The following SDK1 variants were observed in gnomAD, a reference collection of about 807,000 sequenced individuals.
The protein encoded by SDK1 is sidekick cell adhesion molecule 1, also known as protein sidekick-1.
Under a neutral mutation model 245.5 loss-of-function variants are expected in SDK1, and 157 were observed. That is an observed-to-expected ratio of 0.64 (90% CI 0.56 to 0.73). The LOEUF is 0.73. Among genes scored for constraint, SDK1 ranks in the 30% least tolerant of loss-of-function variants. The probability of loss-of-function intolerance (pLI) is 0.00; values close to 1 mark genes in which losing one functional copy is unlikely to be tolerated. For missense variants in SDK1, 3,583 were observed against 3,002.3 expected (o/e 1.19, Z -4.52); for synonymous variants, 1,647 against 1,278.5 (o/e 1.29, Z -6.15).
intron 5 of SDK1, among the ~76,000 whole-genome samples, chr7:3,905,317 T>C (rs999114036): frequency 6.6e-6 from 1 of 152,172 alleles, no homozygotes; most frequent in Non-Finnish European, 1.5e-5. Flanking sequence ...GTGCATTATT[T>C]TTGTATCACT....
intron 1 of SDK1, among the ~76,000 whole-genome samples, chr7:3,448,932 C>T (rs1489195363): frequency 6.6e-6 from 1 of 152,088 alleles, no homozygotes; most frequent in Non-Finnish European, 1.5e-5. Flanking sequence ...AGGATTATTC[C>T]TGCGAACAAA....
At chr7:3,330,601 C>T (rs1319933058) in intron 1 of SDK1, among the ~76,000 whole-genome samples, 1 of 152,092 alleles carries the variant, frequency 6.6e-6, no homozygotes, top group African/African-American at 2.4e-5. Flanking sequence ...CAGGAAGGCC[C>T]TCACCAGATG....
intron 1 of SDK1, among the ~76,000 whole-genome samples, chr7:3,551,029 G>T (rs1485011910): frequency 6.6e-6 from 1 of 152,142 alleles, no homozygotes; most frequent in African/African-American, 2.4e-5. Flanking sequence ...TTTTTAGAAG[G>T]TTAGGAGAAA....
chr7:3,315,182 C>T (rs1322275596), intron 1 of SDK1, among the ~76,000 whole-genome samples: 1 of 152,114 alleles, frequency 6.6e-6, no homozygotes, highest in Non-Finnish European at 1.5e-5. Flanking sequence ...CTCTAATTGA[C>T]ATGGAAGGAT....
intron 4 of SDK1, among the ~76,000 whole-genome samples, chr7:3,679,680 C>T (rs377000306): frequency 1.4e-4 from 21 of 152,298 alleles, no homozygotes; most frequent in South Asian, 1.0e-3. Flanking sequence ...ATTAGGAAAG[C>T]GCACTTTCAA....
At chr7:3,372,857 A>C (rs1781261434) in intron 1 of SDK1, among the ~76,000 whole-genome samples, 1 of 152,202 alleles carries the variant, frequency 6.6e-6, no homozygotes, top group South Asian at 2.1e-4. Flanking sequence ...GAGTTACCTA[A>C]ATTCTCACAT....
intron 4 of SDK1, among the ~76,000 whole-genome samples, chr7:3,744,730 T>A (rs1779569108): frequency 6.6e-6 from 1 of 151,866 alleles, no homozygotes; most frequent in South Asian, 2.1e-4. Context: ...GAGAATGGCG[T>A]GAACCCGGGA....
At chr7:3,806,084 T>G (rs1583432702) in intron 4 of SDK1, among the ~76,000 whole-genome samples, 1 of 152,220 alleles carries the variant, frequency 6.6e-6, no homozygotes, top group African/African-American at 2.4e-5. Flanking sequence ...ATGCTTGGCT[T>G]GTAGCCCTCC....
chr7:4,235,170 T>C (rs1786076170), intron 41 of SDK1, among the ~76,000 whole-genome samples: 1 of 151,986 alleles, frequency 6.6e-6, no homozygotes, highest in South Asian at 2.1e-4. Context: ...GACCACCTGA[T>C]TTTATTTTTT....
intron 5 of SDK1, among the ~76,000 whole-genome samples, chr7:3,851,269 G>T (rs1006930308): frequency 1.3e-5 from 2 of 152,042 alleles, no homozygotes; most frequent in Non-Finnish European, 2.9e-5. Context: ...ACATGATATA[G>T]TCTTTTTTAA....
rs946649243 is a variant in SDK1 at position 3,506,210 on chromosome 7, T to G, written c.299-112870T>G. On this transcript the variant is annotated intron_variant, in intron 1 of 44. Coordinates refer to ENST00000404826, the MANE Select transcript of SDK1 (RefSeq NM_152744.4). The stretch of plus-strand genomic sequence containing the variant: ...CAGATTTTGTTTGCTTGAAAAAAAT[T>G]TTGGTACTATTTTTGAATGACATTT... Among the ~76,000 whole-genome samples, 3 of 152,262 alleles carry G rather than the reference T, an allele frequency of 2.0e-5. No homozygotes were observed. In the South Asian group the frequency reaches 6.2e-4, roughly 32 times the overall value.
intron 44 of SDK1, among the ~76,000 whole-genome samples, chr7:4,263,532 CCG>C: frequency 1.1e-5 from 1 of 90,590 alleles, no homozygotes; most frequent in Non-Finnish European, 2.4e-5. Context: ...AGTGGGGAGG[CCG>C]CGTAGACGCC....
At chr7:4,159,080 A>C (rs1355768625) in intron 31 of SDK1, among the ~76,000 whole-genome samples, 1 of 152,222 alleles carries the variant, frequency 6.6e-6, no homozygotes, top group Admixed American at 6.5e-5. Flanking sequence ...AGCGGTGATC[A>C]CAGGACGGGT....
At chr7:3,701,924 CAAAAAAAAA>C (rs58687135) in intron 4 of SDK1, among the ~76,000 whole-genome samples, 2 of 85,720 alleles carry the variant, frequency 2.3e-5, no homozygotes, top group African/African-American at 7.2e-5. Flanking sequence ...CGTGCATAAG[CAAAAAAAAA>C]AAAAAAAAAA....
At chr7:4,174,019 G>A (rs1300908677) in intron 32 of SDK1, among the ~76,000 whole-genome samples, 3 of 152,234 alleles carry the variant, frequency 2.0e-5, no homozygotes, top group Non-Finnish European at 4.4e-5. Flanking sequence ...CATGAAAACT[G>A]GGATTCTGAG....
At chr7:4,220,315 C>T (rs1428737050) in intron 39 of SDK1, 45 bp downstream of exon 39, 2 of 1,574,834 alleles carry the variant, frequency 1.3e-6, no homozygotes, top group Non-Finnish European at 1.7e-6. Flanking sequence ...GCAACTTTAG[C>T]CTCCCGCCTC....
intron 4 of SDK1, among the ~76,000 whole-genome samples, chr7:3,642,521 C>A (rs1450299853): frequency 6.6e-6 from 1 of 152,074 alleles, no homozygotes; most frequent in Non-Finnish European, 1.5e-5. Flanking sequence ...ATGTTTGATA[C>A]TGCTTTCTCT....
rs373064319 is a variant in SDK1, at chr7:3,804,006, C to T, written c.714-17444C>T. 9.9e-4 allele frequency among the ~76,000 whole-genome samples: 151 copies of T among 152,266 alleles called. 3 individuals are homozygous for T. The highest frequency in any genetic ancestry group is 3.3e-3 in the African/African-American group (136 of 41,550). On this transcript the variant is annotated intron_variant, in intron 4 of 44. Coordinates refer to ENST00000404826, the MANE Select transcript of SDK1 (RefSeq NM_152744.4). Reference sequence around the variant, plus strand: ...GTCTCGATCTCCTGACCTCGTGATCCACCTGCCTTGGCCTCCCAAAGTGCT... The same window carrying T: ...GTCTCGATCTCCTGACCTCGTGATCTACCTGCCTTGGCCTCCCAAAGTGCT...
intron 1 of SDK1, among the ~76,000 whole-genome samples, chr7:3,476,936 G>T (rs1781363041): frequency 6.6e-6 from 1 of 152,172 alleles, no homozygotes. Context: ...AGGCATGCAG[G>T]CCTAAGGACG....
Sources: allele counts gnomAD v4.1 joint callset (sites outside exome capture counted in the v4.1 genomes callset), GRCh38; gene constraint gnomAD v4.1.1; transcripts MANE v1.5; gene names NCBI Gene and HGNC (gene_info 2026-07-23, HGNC 2026-07-21).